The following JMJD1C variants were observed in gnomAD, a reference collection of about 807,000 sequenced individuals.
JMJD1C encodes the protein jumonji domain containing 1C.
In JMJD1C, 31 loss-of-function variants were observed where a neutral mutation model predicts 245.3. The ratio of observed to expected loss-of-function variants is 0.13; its 90% CI spans 0.09 to 0.17. The LOEUF (loss-of-function observed/expected upper bound fraction) is 0.17, where lower values mean the gene tolerates loss of function less well. Ranked by LOEUF, JMJD1C falls within the 10% of genes least tolerant of loss-of-function variation. The probability of loss-of-function intolerance (pLI) is 1.00; values close to 1 mark genes in which losing one functional copy is unlikely to be tolerated. For synonymous variants in JMJD1C, 1,057 were observed against 1,017.4 expected, an observed-to-expected ratio of 1.04 and a Z score of -0.74; for missense variants, 2,691 against 3,000.2, an observed-to-expected ratio of 0.90 and a Z score of 2.41.
chr10:63,254,942 C>T (rs1564690489), intron 3 of JMJD1C, among the ~76,000 whole-genome samples: 1 of 152,042 alleles, frequency 6.6e-6, no homozygotes, highest in Non-Finnish European at 1.5e-5. Context: ...TAGCCTCAAC[C>T]TCCTGGGCTC....
At chr10:63,168,322 G>T in intron 25 of JMJD1C, 113 bp downstream of exon 25, 1 of 1,118,692 alleles carries the variant, frequency 8.9e-7, no homozygotes, top group Non-Finnish European at 1.3e-6. Flanking sequence ...TTAATCTTTG[G>T]TTGTCACCCT....
intron 1 of JMJD1C, among the ~76,000 whole-genome samples, chr10:63,474,928 A>T (rs1223436926): frequency 6.6e-6 from 1 of 152,202 alleles, no homozygotes; most frequent in Non-Finnish European, 1.5e-5. Context: ...AAATTACAGC[A>T]AATCTAATGA....
chr10:63,217,081 T>C (rs999438335), intron 5 of JMJD1C, 126 bp downstream of exon 5: 1 of 824,992 alleles, frequency 1.2e-6, no homozygotes, highest in African/African-American at 1.7e-5. Context: ...TTAAACTTAC[T>C]AGAATTACAC....
intron 1 of JMJD1C, among the ~76,000 whole-genome samples, chr10:63,428,339 A>G (rs936648046): frequency 6.6e-6 from 1 of 152,260 alleles, no homozygotes; most frequent in East Asian, 1.9e-4. Flanking sequence ...TCTAACTTGC[A>G]TTAATATTGA....
intron 1 of JMJD1C, among the ~76,000 whole-genome samples, chr10:63,416,905 T>A (rs542221619): frequency 6.6e-6 from 1 of 152,324 alleles, no homozygotes; most frequent in Non-Finnish European, 1.5e-5. Context: ...GTGCTGCATG[T>A]TCAAATAAAA....
chr10:63,482,014 T>C (rs2133188651), intron 1 of JMJD1C, among the ~76,000 whole-genome samples: 1 of 152,354 alleles, frequency 6.6e-6, no homozygotes, highest in Non-Finnish European at 1.5e-5. Flanking sequence ...TTCAAAATTA[T>C]ATGCCTTTCA....
chr10:63,243,310 T>C (rs925167260), intron 3 of JMJD1C, among the ~76,000 whole-genome samples: 1 of 151,796 alleles, frequency 6.6e-6, no homozygotes, highest in Non-Finnish European at 1.5e-5. Context: ...GAGTATCACC[T>C]GAGGTCGGGA....
chr10:63,437,273 A>T (rs1317083811), intron 1 of JMJD1C, among the ~76,000 whole-genome samples: 1 of 152,166 alleles, frequency 6.6e-6, no homozygotes, highest in Non-Finnish European at 1.5e-5. Flanking sequence ...TCCTTATTTC[A>T]TTCAATCTTT....
chr10:63,227,070 A>G (rs1256236356), intron 3 of JMJD1C, among the ~76,000 whole-genome samples: 1 of 152,128 alleles, frequency 6.6e-6, no homozygotes, highest in African/African-American at 2.4e-5. Context: ...TCTCAAAGAA[A>G]AGGTTAAAAT....
chr10:63,388,022 T>G (rs1564864359), intron 1 of JMJD1C, among the ~76,000 whole-genome samples: 1 of 152,108 alleles, frequency 6.6e-6, no homozygotes, highest in Non-Finnish European at 1.5e-5. Context: ...TTCAAATTTT[T>G]TGTGTTTGAG....
chr10:63,521,600 T>A (rs1262312148), intron 1 of JMJD1C: 1 of 1,376,632 alleles, frequency 7.3e-7, no homozygotes, highest in Non-Finnish European at 9.5e-7. Flanking sequence ...CACTGCGCCC[T>A]GCAGCCGGCG....
At chr10:63,420,009 G>A (rs534166735) in intron 1 of JMJD1C, among the ~76,000 whole-genome samples, 12 of 151,668 alleles carry the variant, frequency 7.9e-5, no homozygotes, top group East Asian at 5.8e-4. Context: ...GATGGCGCGC[G>A]CCTGGAGTCC....
intron 2 of JMJD1C, among the ~76,000 whole-genome samples, chr10:63,345,806 G>A (rs1943767510): frequency 6.6e-6 from 1 of 152,042 alleles, no homozygotes; most frequent in Non-Finnish European, 1.5e-5. Flanking sequence ...ATGAATTTTA[G>A]TGTACACACA....
intron 1 of JMJD1C, among the ~76,000 whole-genome samples, chr10:63,387,120 G>T (rs923071594): frequency 2.0e-5 from 3 of 152,214 alleles, no homozygotes; most frequent in Admixed American, 1.3e-4. Context: ...CAGAATCAAA[G>T]CAAAAGTGCC....
At chr10:63,268,941 G>C (rs1855961382) in intron 2 of JMJD1C, 1 of 985,662 alleles carries the variant, frequency 1.0e-6, no homozygotes, top group Non-Finnish European at 1.2e-6. Flanking sequence ...ACGATTTTCT[G>C]TCTGCTCTGG....
In JMJD1C at chr10:63,505,816, C is replaced by G. The variant is rs144250094; in HGVS notation, n.113+15922G>C. ...CACATACTAGATAGCCCTCCTCCCCCCACAGTACCCACCCCCCATCAACAC... is the reference window on the plus strand; with the variant it reads ...CACATACTAGATAGCCCTCCTCCCCGCACAGTACCCACCCCCCATCAACAC... On this transcript the variant is annotated intron_variant and non_coding_transcript_variant, in intron 1 of 3. Coordinates refer to the JMJD1C transcript ENST00000633035. Among the ~76,000 whole-genome samples the G allele has an allele frequency of 4.6e-5, 6 of 130,076 alleles. No individual in the cohort carries two copies. In the East Asian group the frequency reaches 1.6e-3, roughly 34 times the overall value. 85.3% of individuals were successfully genotyped at this position (130,076 alleles called of 152,430 possible).
At chr10:63,212,488 TA>T in intron 8 of JMJD1C, among the ~76,000 whole-genome samples, 1 of 152,280 alleles carries the variant, frequency 6.6e-6, no homozygotes, top group Non-Finnish European at 1.5e-5. Flanking sequence ...AACCATTTTT[TA>T]GTGTAAAAAT....
chr10:63,491,347 A>C (rs577666230), intron 1 of JMJD1C, among the ~76,000 whole-genome samples: 4 of 152,264 alleles, frequency 2.6e-5, no homozygotes, highest in African/African-American at 9.6e-5. Flanking sequence ...CTTAATATTT[A>C]CATGTAATAT....
upstream of JMJD1C, among the ~76,000 whole-genome samples, chr10:63,470,268 CATGAATGA>C (rs58667981): frequency 2.6e-5 from 4 of 151,948 alleles, no homozygotes; most frequent in Non-Finnish European, 5.9e-5. Context: ...CATGTTATAG[CATGAATGA>C]ATGAATGAAT....
Sources: allele counts gnomAD v4.1 joint callset (sites outside exome capture counted in the v4.1 genomes callset), GRCh38; gene constraint gnomAD v4.1.1; transcripts MANE v1.5; gene names NCBI Gene and HGNC (gene_info 2026-07-23, HGNC 2026-07-21).